The following COLEC12 variants were observed in gnomAD, a reference collection of about 807,000 sequenced individuals.
The protein encoded by COLEC12 is collectin-12.
In COLEC12, 33 loss-of-function variants were observed where a neutral mutation model predicts 71.1. The ratio of observed to expected loss-of-function variants is 0.46; its 90% CI spans 0.35 to 0.62. The LOEUF is 0.62. Among genes scored for constraint, COLEC12 ranks in the 20% least tolerant of loss-of-function variants. The probability of loss-of-function intolerance (pLI) is 0.00; values close to 1 mark genes in which losing one functional copy is unlikely to be tolerated. For synonymous variants in COLEC12, 350 were observed against 353.0 expected (o/e 0.99, Z 0.10); for missense variants, 765 against 916.1 (o/e 0.84, Z 2.13).
rs1555620304 is a variant in COLEC12 at position 442,002 on chromosome 18, T to TACACACACAGACACACAC, written c.58+38704_58+38705insGTGTGTGTCTGTGTGTGT. Reference sequence around the variant, plus strand: ...GTGACAGAGTGAGACTCTCTCTCTCTACACACACACACACACACACACACA... The same window carrying TACACACACAGACACACAC: ...GTGACAGAGTGAGACTCTCTCTCTCTACACACACAGACACACACACACACACACACACACACACACACA... On this transcript the variant is annotated intron_variant, in intron 2 of 9. Coordinates refer to ENST00000400256, the MANE Select transcript of COLEC12 (RefSeq NM_130386.3). 1.1e-3 allele frequency among the ~76,000 whole-genome samples: 134 copies of TACACACACAGACACACAC among 120,808 alleles called. 3 individuals are homozygous for TACACACACAGACACACAC. The highest frequency in any genetic ancestry group is 5.1e-3 in the African/African-American group (130 of 25,728). The allele number at this position is 120,808 out of a possible 152,430, so 79.3% of individuals were successfully genotyped here. A position where few individuals can be genotyped will look rare whatever the true frequency, so the allele number is the denominator to read the frequency against.
At chr18:368,601 A>G (rs1015563568) in intron 2 of COLEC12, among the ~76,000 whole-genome samples, 2 of 151,864 alleles carry the variant, frequency 1.3e-5, no homozygotes, top group Admixed American at 6.6e-5. Context: ...GCGGTGGCTC[A>G]GGCCTGTAAT....
chr18:345,886 T>C (rs1200481390), intron 5 of COLEC12, among the ~76,000 whole-genome samples: 1 of 152,240 alleles, frequency 6.6e-6, no homozygotes, highest in African/African-American at 2.4e-5. Context: ...GTGGATGTGA[T>C]GGTGTGTGGC....
chr18:460,213 G>A (rs972868169), intron 2 of COLEC12, among the ~76,000 whole-genome samples: 4 of 152,118 alleles, frequency 2.6e-5, no homozygotes, highest in Non-Finnish European at 2.9e-5. Flanking sequence ...GGGCCAGCTC[G>A]TACCTAAATT....
chr18:360,768 C>T (rs1188647183), intron 2 of COLEC12, among the ~76,000 whole-genome samples: 1 of 152,140 alleles, frequency 6.6e-6, no homozygotes, highest in Admixed American at 6.5e-5. Flanking sequence ...CTTTGGTTAA[C>T]CAATCCCTTG....
intron 2 of COLEC12, among the ~76,000 whole-genome samples, chr18:470,133 T>C (rs925145690): frequency 6.6e-6 from 1 of 152,068 alleles, no homozygotes; most frequent in Admixed American, 6.5e-5. Flanking sequence ...TATCTTAATA[T>C]TTTTTATCAG....
Position 480,691 on chromosome 18 carries a change from C to T in COLEC12, c.58+16G>A. 1 of 1,612,878 alleles carries T rather than the reference C, an allele frequency of 6.2e-7. No individual in the cohort carries two copies. Among genetic ancestry groups the T allele is most frequent in the Non-Finnish European group, 8.5e-7 (1 of 1,178,844 alleles). On this transcript the variant is annotated intron_variant, in intron 2 of 9. Transcript: ENST00000400256. This position sits in a 1 kb window ranked among gnomAD's most constrained non-coding sequence, Gnocchi z 4.1. ...GGTTGACCACTGAGAAGGAACACAGCTTTGTTAGGACTCACCAAACCGCTT... is the reference window on the plus strand; with the variant it reads ...GGTTGACCACTGAGAAGGAACACAGTTTTGTTAGGACTCACCAAACCGCTT...
intron 2 of COLEC12, among the ~76,000 whole-genome samples, chr18:431,913 T>G (rs1598361173): frequency 1.3e-5 from 2 of 152,190 alleles, no homozygotes; most frequent in African/African-American, 4.8e-5. Flanking sequence ...CTCCCCTAAC[T>G]CTTACAAAAA....
chr18:373,761 G>A (rs1249119652), intron 2 of COLEC12, among the ~76,000 whole-genome samples: 7 of 151,888 alleles, frequency 4.6e-5, no homozygotes, highest in Admixed American at 6.6e-5. Flanking sequence ...GGTATGCTTC[G>A]TGGTACATCT....
rs1445392025 is a variant in COLEC12, at chr18:319,469, A to C, written c.*576T>G. ...AACCCTAGGAGTTTTTATTAGTACC[A>C]TTATTGTTTTCTTTGGCTCCATGTA... On this transcript the variant is annotated 3_prime_UTR_variant, in exon 10 of 10. Transcript: ENST00000400256. 6.8e-6 allele frequency: 1 copy of C among 148,060 alleles called. No individual in the cohort carries two copies. The highest frequency in any genetic ancestry group is 1.5e-5 in the Non-Finnish European group (1 of 67,172). 9.2% of individuals were successfully genotyped at this position (148,060 alleles called of 1,614,324 possible). A position where few individuals can be genotyped will look rare whatever the true frequency, so the allele number is the denominator to read the frequency against.
intron 2 of COLEC12, among the ~76,000 whole-genome samples, chr18:466,610 G>A (rs969877500): frequency 5.3e-5 from 8 of 152,156 alleles, no homozygotes; most frequent in Admixed American, 2.6e-4. Flanking sequence ...AAAGCACCTT[G>A]AGTGCAAAGC....
At chr18:454,807 G>A (rs1228401001) in intron 2 of COLEC12, among the ~76,000 whole-genome samples, 1 of 152,190 alleles carries the variant, frequency 6.6e-6, no homozygotes, top group Admixed American at 6.5e-5. Context: ...CTTCTCATCT[G>A]CCATGAGGGC....
intron 6 of COLEC12, 64 bp from the exon 7 acceptor site, chr18:333,207 G>A (rs1914023240): frequency 6.9e-7 from 1 of 1,450,810 alleles, no homozygotes; most frequent in Non-Finnish European, 9.4e-7. Flanking sequence ...CCTTTCTTCA[G>A]CTGTGTTTCA....
At chr18:495,588 G>T (rs116717681) in intron 1 of COLEC12, among the ~76,000 whole-genome samples, 1 of 152,150 alleles carries the variant, frequency 6.6e-6, no homozygotes. Context: ...AGTTTAGAGC[G>T]TCTCCTCCAC....
At chr18:489,596 G>A (rs999363536) in intron 1 of COLEC12, among the ~76,000 whole-genome samples, 1 of 152,170 alleles carries the variant, frequency 6.6e-6, no homozygotes, top group Admixed American at 6.5e-5. Context: ...GAAGGGACTT[G>A]GGAGATGAAT....
At chr18:431,406 A>G (rs2056931173) in intron 2 of COLEC12, among the ~76,000 whole-genome samples, 1 of 152,224 alleles carries the variant, frequency 6.6e-6, no homozygotes, top group African/African-American at 2.4e-5. Context: ...GACAAGGATC[A>G]TGTCTCATTC....
chr18:349,874 A>G (rs984999585), intron 3 of COLEC12, among the ~76,000 whole-genome samples: 3 of 152,192 alleles, frequency 2.0e-5, no homozygotes, highest in African/African-American at 7.2e-5. Flanking sequence ...GAAAGGCTAT[A>G]TTTACCCAAT....
chr18:496,526 T>G (rs1008518871), intron 1 of COLEC12, among the ~76,000 whole-genome samples: 3 of 152,236 alleles, frequency 2.0e-5, no homozygotes, highest in African/African-American at 4.8e-5. Context: ...CAATGTTAAA[T>G]GCAATTGCCT....
intron 2 of COLEC12, among the ~76,000 whole-genome samples, chr18:389,340 G>A (rs947984728): frequency 6.7e-6 from 1 of 149,370 alleles, no homozygotes; most frequent in Non-Finnish European, 1.5e-5. Flanking sequence ...TGCAAGCTCT[G>A]CGATCTCGGC....
At chr18:400,304 G>A (rs545253300) in intron 2 of COLEC12, among the ~76,000 whole-genome samples, 1 of 152,248 alleles carries the variant, frequency 6.6e-6, no homozygotes, top group East Asian at 1.9e-4. Context: ...CTTTCAGGCT[G>A]TCATAGTTCA....
Sources: gnomAD v4.1 joint callset for allele counts (sites outside exome capture counted in the v4.1 genomes callset) on GRCh38, gnomAD v4.1.1 for gene constraint, Gnocchi (gnomAD v3.1) non-coding constraint, MANE v1.5 for transcripts, NCBI Gene and HGNC (gene_info 2026-07-23, HGNC 2026-07-21) for gene names.